ZNF565: variants seen among roughly 807,000 people sequenced by gnomAD.
The protein encoded by ZNF565 is zinc finger protein 565.
A neutral mutation model predicts 39.4 loss-of-function variants in ZNF565; 27 were observed. That is an observed-to-expected ratio of 0.69 (90% CI 0.51 to 0.95). The LOEUF is 0.95. Among genes scored for constraint, ZNF565 ranks in the 40% least tolerant of loss-of-function variants. ZNF565 has a pLI of 0.00. For synonymous variants in ZNF565, 185 were observed against 216.6 expected (o/e 0.85, Z 1.28); for missense variants, 524 against 621.1 (o/e 0.84, Z 1.66).
At chr19:36,189,784 C>A (rs1172508798) in intron 4 of ZNF565, among the ~76,000 whole-genome samples, 1 of 152,078 alleles carries the variant, frequency 6.6e-6, no homozygotes, top group East Asian at 1.9e-4. Flanking sequence ...TATTTTAATA[C>A]GGAATTACAG....
At chr19:36,189,264 G>A (rs1041105232) in intron 4 of ZNF565, among the ~76,000 whole-genome samples, 28 of 151,976 alleles carry the variant, frequency 1.8e-4, no homozygotes, top group African/African-American at 6.3e-4. Context: ...ACTCCAGCCT[G>A]GGCAACAGAG....
chr19:36,222,991 T>A (rs1005042463), intron 1 of ZNF565, among the ~76,000 whole-genome samples: 1 of 152,030 alleles, frequency 6.6e-6, no homozygotes, highest in Non-Finnish European at 1.5e-5. Flanking sequence ...TATTCATGTA[T>A]TTTTTAGAGG....
At chr19:36,209,719 CATAAAT>C (rs1361647159) in intron 1 of ZNF565, among the ~76,000 whole-genome samples, 1 of 151,928 alleles carries the variant, frequency 6.6e-6, no homozygotes, top group Admixed American at 6.6e-5. Context: ...CTATATTACA[CATAAAT>C]ATTATGAATA....
rs144460198 is a variant in ZNF565 at position 36,183,655 on chromosome 19, C to T, written c.311G>A (p.Ser104Asn). Reference sequence around the variant, plus strand: ...GCCCTCCAGGTCACTGCATTTAAGGCTTTCCATTATCTCCCAGTTGAATGC... The same window carrying T: ...GCCCTCCAGGTCACTGCATTTAAGGTTTTCCATTATCTCCCAGTTGAATGC... Reference protein sequence around the residue: ...IGAFNWEIMESLKCSDLEGSD... With the variant: ...IGAFNWEIMENLKCSDLEGSD... The change falls in exon 5 of 5, where the codon AGC (serine) becomes AAC (asparagine). Residue 104 changes from serine (S) to asparagine (N), a missense_variant. Coordinates refer to ENST00000304116, the MANE Select transcript of ZNF565 (RefSeq NM_152477.5). 1.8e-3 allele frequency: 2,941 copies of T among 1,614,130 alleles called. 7 individuals are homozygous for T. The highest frequency in any genetic ancestry group is 2.2e-3 in the Non-Finnish European group (2,621 of 1,180,004).
intron 1 of ZNF565, among the ~76,000 whole-genome samples, chr19:36,206,569 G>C (rs1976163539): frequency 6.6e-6 from 1 of 152,150 alleles, no homozygotes; most frequent in South Asian, 2.1e-4. Flanking sequence ...AGTGGCTCAT[G>C]CCTGTGATCC....
chr19:36,199,197 G>GAT (rs2145336082), intron 2 of ZNF565, among the ~76,000 whole-genome samples: 1 of 152,198 alleles, frequency 6.6e-6, no homozygotes, highest in Non-Finnish European at 1.5e-5. Context: ...GCTGATGGAG[G>GAT]GTATACCTGA....
intron 4 of ZNF565, among the ~76,000 whole-genome samples, chr19:36,194,003 T>G (rs540207137): frequency 6.6e-6 from 1 of 152,156 alleles, no homozygotes; most frequent in African/African-American, 2.4e-5. Flanking sequence ...ACATCTCTTT[T>G]TAAAAAGAAA....
At position 36,245,032 on chromosome 19, in the gene ZNF565, A is replaced by G. The variant is rs8104664; in HGVS notation, c.55+444T>C. 0.056 allele frequency among the ~76,000 whole-genome samples: 8,451 copies of G among 152,122 alleles called. 731 individuals carry two copies. The highest frequency in any genetic ancestry group is 0.19 in the African/African-American group (7,905 of 41,452). Reference sequence around the variant, plus strand: ...TTGTTTTCTTGAATCCCTACTGTTCAGTGGCTAGGCTAGAAACTGTTGGAA... The same window carrying G: ...TTGTTTTCTTGAATCCCTACTGTTCGGTGGCTAGGCTAGAAACTGTTGGAA... On this transcript the variant is annotated intron_variant, in intron 1 of 4. Coordinates refer to the ZNF565 transcript ENST00000355114. The surrounding 1 kb of genome is among the most constrained non-coding windows in gnomAD (Gnocchi z 4.4).
intron 1 of ZNF565, among the ~76,000 whole-genome samples, chr19:36,223,348 A>AC (rs1014141588): frequency 1.3e-5 from 2 of 151,870 alleles, no homozygotes; most frequent in African/African-American, 4.8e-5. Flanking sequence ...GTCTCAAAAA[A>AC]AAAAAAAAAT....
intron 2 of ZNF565, among the ~76,000 whole-genome samples, chr19:36,195,803 C>CA (rs1242420916): frequency 6.7e-6 from 1 of 149,962 alleles, no homozygotes; most frequent in Non-Finnish European, 1.5e-5. Context: ...CTCAGCCTCC[C>CA]AAAGTGCTGG....
At chr19:36,188,433 C>T (rs753514286) in intron 4 of ZNF565, among the ~76,000 whole-genome samples, 9 of 151,498 alleles carry the variant, frequency 5.9e-5, no homozygotes, top group East Asian at 1.9e-4. Flanking sequence ...ATGAGGGGGC[C>T]GCATGTGGTA....
At position 36,235,185 on chromosome 19, in the gene ZNF565, G is replaced by T. The variant is rs56279190; in HGVS notation, c.55+10291C>A. On this transcript the variant is annotated intron_variant, in intron 1 of 4. Coordinates refer to the ZNF565 transcript ENST00000355114. ...GATCGCACCACTGCACTCCAGCCTG[G>T]ATAACGAGCGAAATTCCGTCTCAAA... Among the ~76,000 whole-genome samples the T allele has an allele frequency of 5.3e-3, 786 of 149,004 alleles. 7 individuals are homozygous for T. Among genetic ancestry groups the T allele is most frequent in the African/African-American group, 0.019 (753 of 40,332 alleles).
intron 1 of ZNF565, among the ~76,000 whole-genome samples, chr19:36,235,449 A>G (rs1977611676): frequency 6.6e-6 from 1 of 152,176 alleles, no homozygotes; most frequent in African/African-American, 2.4e-5. Context: ...ATTTAGTTGG[A>G]AGCATTAATA....
At chr19:36,190,415 A>T (rs960111497) in intron 4 of ZNF565, among the ~76,000 whole-genome samples, 16 of 151,646 alleles carry the variant, frequency 1.1e-4, no homozygotes, top group African/African-American at 3.6e-4. Context: ...CGCCTCTACT[A>T]AAAATACAAA....
chr19:36,192,541 G>T (rs1267634787), intron 4 of ZNF565, among the ~76,000 whole-genome samples: 1 of 151,988 alleles, frequency 6.6e-6, no homozygotes, highest in Non-Finnish European at 1.5e-5. Context: ...AGGAGTTTGA[G>T]ACCAGCCTGG....
chr19:36,235,205 C>T (rs1977596895), intron 1 of ZNF565, among the ~76,000 whole-genome samples: 1 of 132,466 alleles, frequency 7.5e-6, no homozygotes, highest in Non-Finnish European at 1.6e-5. Context: ...GAAATTCCGT[C>T]TCAAAAAAAA....
intron 1 of ZNF565, among the ~76,000 whole-genome samples, chr19:36,209,278 C>T (rs1168531501): frequency 5.9e-5 from 9 of 152,128 alleles, no homozygotes; most frequent in Admixed American, 5.9e-4. Context: ...CACCTACAAT[C>T]CCAGCACTTT....
At chr19:36,197,873 C>T (rs1397225534) in intron 2 of ZNF565, among the ~76,000 whole-genome samples, 3 of 152,066 alleles carry the variant, frequency 2.0e-5, no homozygotes, top group East Asian at 1.9e-4. Context: ...GTAGGCCAGG[C>T]GTGGTGGCTC....
At chr19:36,220,886 C>G (rs948965400) in intron 1 of ZNF565, among the ~76,000 whole-genome samples, 4 of 140,922 alleles carry the variant, frequency 2.8e-5, no homozygotes, top group African/African-American at 1.1e-4. Context: ...TTGTCTTACT[C>G]TTTTGCCCAG....
Sources: allele counts gnomAD v4.1 joint callset (sites outside exome capture counted in the v4.1 genomes callset), GRCh38; gene constraint gnomAD v4.1.1; non-coding constraint Gnocchi (gnomAD v3.1); transcripts MANE v1.5; gene names NCBI Gene and HGNC (gene_info 2026-07-23, HGNC 2026-07-21).